Variants in ZC3H12C observed in about 807,000 individuals in gnomAD.
ZC3H12C encodes the protein probable ribonuclease ZC3H12C.
Under a neutral mutation model 76.3 loss-of-function variants are expected in ZC3H12C, and 20 were observed. The observed-to-expected ratio is 0.26, with a 90% CI of 0.18 to 0.38. The LOEUF (loss-of-function observed/expected upper bound fraction) is 0.38. Ranked by LOEUF, ZC3H12C falls within the 10% of genes least tolerant of loss-of-function variation. The probability of loss-of-function intolerance (pLI) is 1.00; values close to 1 mark genes in which losing one functional copy is unlikely to be tolerated. For synonymous variants in ZC3H12C, 352 were observed against 399.6 expected (o/e 0.88, Z 1.42); for missense variants, 874 against 1,086.5 (o/e 0.80, Z 2.75).
At chr11:110,148,177 T>A (rs1862205115) in intron 2 of ZC3H12C, among the ~76,000 whole-genome samples, 1 of 152,230 alleles carries the variant, frequency 6.6e-6, no homozygotes, top group Non-Finnish European at 1.5e-5. Flanking sequence ...CTTCTTTTAT[T>A]TCCTGAGATC....
At position 110,136,813 on chromosome 11, in the gene ZC3H12C, G is replaced by C; in HGVS notation, c.172G>C (p.Val58Leu). 6.2e-7 allele frequency: 1 copy of C among 1,613,924 alleles called. No homozygotes were observed. The highest frequency in any genetic ancestry group is 8.5e-7 in the Non-Finnish European group (1 of 1,179,880). The change falls in exon 2 of 6, where the codon GTA (valine) becomes CTA (leucine). Residue 58 changes from valine to leucine, a missense_variant. Around this residue, in one of 3 missense-constraint regions of ZC3H12C, gnomAD observed 210 missense variants for 227.1 expected, o/e 0.92. Coordinates refer to ENST00000278590, the MANE Select transcript of ZC3H12C (RefSeq NM_033390.2). Reference protein sequence around the residue: ...ESTDPQLSPAVPWSTVENPSM... With the variant: ...ESTDPQLSPALPWSTVENPSM... ...CACTGACCCACAGTTAAGTCCAGCT[G>C]TACCTTGGTCAACAGTAGAAAACCC...
intron 2 of ZC3H12C, 137 bp from the exon 3 acceptor site, chr11:110,152,782 G>T: frequency 1.1e-6 from 1 of 950,168 alleles, no homozygotes; most frequent in Non-Finnish European, 1.6e-6. Flanking sequence ...ATGTGTCTCT[G>T]ATCTATAAAC....
At chr11:110,133,856 G>A (rs973411521) in intron 1 of ZC3H12C, among the ~76,000 whole-genome samples, 1 of 151,774 alleles carries the variant, frequency 6.6e-6, no homozygotes. Flanking sequence ...TTGATTTTCA[G>A]TTTAAAAACT....
At chr11:110,130,156 T>TA (rs1485118188) in intron 1 of ZC3H12C, among the ~76,000 whole-genome samples, 1 of 152,086 alleles carries the variant, frequency 6.6e-6, no homozygotes, top group Non-Finnish European at 1.5e-5. Context: ...GTATCCATAG[T>TA]AAAAAAAATT....
intron 1 of ZC3H12C, among the ~76,000 whole-genome samples, chr11:110,117,461 A>T (rs1362353409): frequency 1.3e-5 from 2 of 151,864 alleles, no homozygotes; most frequent in African/African-American, 4.8e-5. Flanking sequence ...GTATATGTAT[A>T]GATGTATATA....
At chr11:110,104,637 T>G (rs1484146883) in intron 1 of ZC3H12C, among the ~76,000 whole-genome samples, 1 of 152,238 alleles carries the variant, frequency 6.6e-6, no homozygotes, top group African/African-American at 2.4e-5. Flanking sequence ...TGAAATCAGG[T>G]AGACCTGGAT....
chr11:110,094,875 T>C (rs1861085485), intron 1 of ZC3H12C, among the ~76,000 whole-genome samples: 1 of 152,200 alleles, frequency 6.6e-6, no homozygotes, highest in Non-Finnish European at 1.5e-5. Context: ...TGTTTTAATA[T>C]TTTTACATGA....
At chr11:110,144,366 C>T (rs775631615) in intron 2 of ZC3H12C, among the ~76,000 whole-genome samples, 21 of 152,102 alleles carry the variant, frequency 1.4e-4, no homozygotes, top group Middle Eastern at 6.3e-3. Flanking sequence ...GTTCTCACAA[C>T]GCTATGAGGT....
intron 2 of ZC3H12C, among the ~76,000 whole-genome samples, chr11:110,145,518 A>T (rs1276457686): frequency 6.6e-6 from 1 of 151,576 alleles, no homozygotes; most frequent in Non-Finnish European, 1.5e-5. Context: ...TCCAAAGCGT[A>T]GTAGTCCTTT....
At chr11:110,146,435 T>C (rs534004506) in intron 2 of ZC3H12C, among the ~76,000 whole-genome samples, 1 of 152,352 alleles carries the variant, frequency 6.6e-6, no homozygotes, top group South Asian at 2.1e-4. Context: ...TTTCCAGCAC[T>C]GAGGCTCTCC....
chr11:110,115,222 T>A (rs1861503602), intron 1 of ZC3H12C, among the ~76,000 whole-genome samples: 1 of 152,126 alleles, frequency 6.6e-6, no homozygotes, highest in Non-Finnish European at 1.5e-5. Flanking sequence ...TCCTCCTGCC[T>A]CAGTTTCTTC....
chr11:110,149,295 G>A (rs1001754121), intron 2 of ZC3H12C, among the ~76,000 whole-genome samples: 7 of 152,088 alleles, frequency 4.6e-5, no homozygotes, highest in Non-Finnish European at 8.8e-5. Flanking sequence ...CCTTTCCCTC[G>A]CCGTTTAAAA....
chr11:110,120,332 A>T (rs1194102231), intron 1 of ZC3H12C, among the ~76,000 whole-genome samples: 1 of 152,182 alleles, frequency 6.6e-6, no homozygotes, highest in East Asian at 1.9e-4. Context: ...ACTCTAAATT[A>T]CACCTAAACA....
intron 1 of ZC3H12C, among the ~76,000 whole-genome samples, chr11:110,104,586 C>G (rs1861284784): frequency 6.6e-6 from 1 of 152,120 alleles, no homozygotes; most frequent in Non-Finnish European, 1.5e-5. Context: ...AGGTTGAAGA[C>G]CTGAAAGGCT....
intron 3 of ZC3H12C, 56 bp downstream of exon 3, chr11:110,153,114 G>T: frequency 6.4e-7 from 1 of 1,571,524 alleles, no homozygotes; most frequent in Non-Finnish European, 8.6e-7. Flanking sequence ...AACCATGCAG[G>T]TGTCTGACAC....
At chr11:110,127,184 T>C (rs532052268) in intron 1 of ZC3H12C, among the ~76,000 whole-genome samples, 3 of 152,354 alleles carry the variant, frequency 2.0e-5, no homozygotes, top group South Asian at 4.1e-4. Flanking sequence ...AGGTTCTTGA[T>C]ACATTTGACC....
At chr11:110,098,668 C>T (rs1861158568) in intron 1 of ZC3H12C, among the ~76,000 whole-genome samples, 1 of 152,174 alleles carries the variant, frequency 6.6e-6, no homozygotes, top group Non-Finnish European at 1.5e-5. Flanking sequence ...TACACAAAGA[C>T]TTATTGTGTT....
At chr11:110,130,910 A>G in intron 1 of ZC3H12C, 1 of 968,920 alleles carries the variant, frequency 1.0e-6, no homozygotes, top group Admixed American at 2.6e-5. Flanking sequence ...CTGCCCGGCC[A>G]ACTAATTGTG....
At chr11:110,111,854 T>A (rs1480264438) in intron 1 of ZC3H12C, among the ~76,000 whole-genome samples, 1 of 152,046 alleles carries the variant, frequency 6.6e-6, no homozygotes, top group Non-Finnish European at 1.5e-5. Flanking sequence ...CCAGTAGCTT[T>A]TTGATTACCA....
Sources: gnomAD v4.1 joint callset for allele counts (sites outside exome capture counted in the v4.1 genomes callset) on GRCh38, gnomAD v4.1.1 for gene constraint, gnomAD v4.1.1 regional missense constraint, MANE v1.5 for transcripts, NCBI Gene and HGNC (gene_info 2026-07-23, HGNC 2026-07-21) for gene names.